Variants in ABCC5 observed in about 807,000 individuals in gnomAD.
ABCC5 encodes the protein ATP-binding cassette sub-family C member 5.
Under a neutral mutation model 160.9 loss-of-function variants are expected in ABCC5, and 61 were observed. The ratio of observed to expected loss-of-function variants is 0.38; its 90% confidence interval spans 0.31 to 0.47. The LOEUF (loss-of-function observed/expected upper bound fraction) is 0.47, where lower values mean the gene tolerates loss of function less well. Ranked by LOEUF, ABCC5 falls within the 20% of genes least tolerant of loss-of-function variation. The pLI, the probability that ABCC5 is intolerant of heterozygous loss-of-function variation, is 0.99. For synonymous variants in ABCC5, 666 were observed against 700.6 expected (o/e 0.95, Z 0.78); for missense variants, 1,308 against 1,813.3 (o/e 0.72, Z 5.06).
chr3:183,958,112 A>G (rs1482923798), intron 17 of ABCC5, among the ~76,000 whole-genome samples: 2 of 152,216 alleles, frequency 1.3e-5, no homozygotes, highest in Admixed American at 6.5e-5. Flanking sequence ...CCGTGTGTAT[A>G]TCACATCGGT....
rs771985748 is a variant in ABCC5, at chr3:183,965,400, A to G, written c.1935T>C (p.Phe645=). The G allele has an allele frequency of 2.5e-6, 4 of 1,614,080 alleles. No individual in the cohort carries two copies. Among genetic ancestry groups the G allele is most frequent in the Non-Finnish European group, 3.4e-6 (4 of 1,180,032 alleles). Reference sequence around the variant, plus strand: ...GCCTTTCTTCATCATATTCCTTCCCAAACAGGATGTTGTCTCTCAGAGTAG... The same window carrying G: ...GCCTTTCTTCATCATATTCCTTCCCGAACAGGATGTTGTCTCTCAGAGTAG... ...LNATLRDNIL[F]GKEYDEERYN... is the part of the protein sequence containing the mutation. Residue 645 remains phenylalanine, a synonymous_variant, in exon 13 of 30, where the codon TTT becomes TTC. Coordinates refer to ENST00000334444, the MANE Select transcript of ABCC5 (RefSeq NM_005688.4).
At position 184,014,313 on chromosome 3, in the gene ABCC5, G is replaced by A. The variant is rs1380273110; in HGVS notation, c.80C>T (p.Ser27Phe). 2 of 1,614,018 alleles carry A rather than the reference G, an allele frequency of 1.2e-6. No homozygotes were observed. The change falls in exon 2 of 30, where the codon TCT (serine) becomes TTT (phenylalanine). Residue 27 changes from serine (S) to phenylalanine (F), a missense_variant. This residue lies in a region of ABCC5 where 1,142 missense variants were observed against 1,527.1 expected (regional missense o/e 0.75). Transcript: ENST00000334444. ...YRSVRERTST[S>F]GTHRDREDSK... ...ATCTTCACGGTCTCTGTGCGTCCCA[G>A]AAGTGCTGGTTCTCTCCCTCACACT... is the stretch of plus-strand genomic sequence containing the variant.
chr3:183,995,963 A>G (rs566313368), intron 2 of ABCC5, among the ~76,000 whole-genome samples: 18 of 151,728 alleles, frequency 1.2e-4, no homozygotes, highest in Non-Finnish European at 2.5e-4. Context: ...ACCCGCCACC[A>G]CGCCCGGCTA....
chr3:183,971,236 G>A (rs1220941573), intron 11 of ABCC5, among the ~76,000 whole-genome samples: 1 of 152,178 alleles, frequency 6.6e-6, no homozygotes, highest in African/African-American at 2.4e-5. Context: ...GGCGCTCACA[G>A]ACTTGTAACA....
In ABCC5 at chr3:183,982,639, G is replaced by A; in HGVS notation, c.826-15C>T. ...ATGTTGATGAGCTATAAGATACAAA[G>A]AGTAGTGAGGGGACCCTGCAAGGAC... On this transcript the variant is annotated splice_polypyrimidine_tract_variant and intron_variant, in intron 6 of 29. Transcript: ENST00000334444. This position sits in a 1 kb window ranked among gnomAD's most constrained non-coding sequence, Gnocchi z 5.2. The A allele has an allele frequency of 6.2e-7, 1 of 1,613,650 alleles. No homozygotes were observed. Among genetic ancestry groups the A allele is most frequent in the Non-Finnish European group, 8.5e-7 (1 of 1,179,698 alleles).
chr3:183,940,017 CTCTG>C (rs1204520811), intron 25 of ABCC5, among the ~76,000 whole-genome samples: 2 of 152,106 alleles, frequency 1.3e-5, no homozygotes, highest in Non-Finnish European at 2.9e-5. Flanking sequence ...CTGGGCATAC[CTCTG>C]TCTAACAGCC....
At chr3:183,994,858 T>G (rs1281636301) in intron 2 of ABCC5, among the ~76,000 whole-genome samples, 2 of 150,426 alleles carry the variant, frequency 1.3e-5, no homozygotes, top group East Asian at 1.9e-4. Context: ...TTTCTATGTT[T>G]TTTTTTTTTT....
At chr3:183,966,519 C>G (rs2108826645) in intron 12 of ABCC5, among the ~76,000 whole-genome samples, 1 of 152,322 alleles carries the variant, frequency 6.6e-6, no homozygotes, top group South Asian at 2.1e-4. Flanking sequence ...CTAACCACTG[C>G]CTAGTCAACC....
Position 183,950,099 on chromosome 3 carries a change from C to A in ABCC5, c.2971G>T (p.Glu991Ter). ...EVDVRLPFQA[E>*]MFIQNVILVF... ...AGGATAACGTTCTGGATGAACATCTCGGCCTGGAACGGCAGCCGCACGTCA... is the reference window on the plus strand; with the variant it reads ...AGGATAACGTTCTGGATGAACATCTAGGCCTGGAACGGCAGCCGCACGTCA... Residue 991 changes from glutamate (E) to a stop codon, truncating the protein, a stop_gained, in exon 21 of 30, where the codon GAG becomes TAG. Transcript: ENST00000334444. LOFTEE classifies it high-confidence loss of function. 1 of 1,613,774 alleles carries A rather than the reference C, an allele frequency of 6.2e-7. No individual in the cohort carries two copies. Among genetic ancestry groups the A allele is most frequent in the Non-Finnish European group, 8.5e-7 (1 of 1,179,932 alleles).
At chr3:184,013,545 T>C (rs1246822291) in intron 2 of ABCC5, among the ~76,000 whole-genome samples, 1 of 152,070 alleles carries the variant, frequency 6.6e-6, no homozygotes, top group African/African-American at 2.4e-5. Flanking sequence ...TGAGCCACTG[T>C]GCCTGGCCAG....
intron 2 of ABCC5, among the ~76,000 whole-genome samples, chr3:184,011,048 C>T (rs1441152422): frequency 1.3e-5 from 2 of 151,078 alleles, no homozygotes; most frequent in Non-Finnish European, 3.0e-5. Flanking sequence ...GGCCCAAACT[C>T]ATTCTTAATA....
chr3:183,986,883 T>C (rs1256584289), intron 5 of ABCC5: 1 of 152,182 alleles, frequency 6.6e-6, no homozygotes, highest in South Asian at 2.1e-4. Context: ...ACCAGAAAAG[T>C]AGTGTTCTCT....
At chr3:183,939,852 T>C (rs377114613) in intron 25 of ABCC5, among the ~76,000 whole-genome samples, 1 of 152,154 alleles carries the variant, frequency 6.6e-6, no homozygotes, top group African/African-American at 2.4e-5. Flanking sequence ...TTCTTGACCC[T>C]CCTACCTTTC....
At chr3:183,973,629 G>A (rs1487127554) in intron 10 of ABCC5, among the ~76,000 whole-genome samples, 1 of 151,974 alleles carries the variant, frequency 6.6e-6, no homozygotes, top group Non-Finnish European at 1.5e-5. Context: ...TTAAGCCCCC[G>A]TCTCCCATTC....
At chr3:183,969,932 A>G (rs1717582846) in intron 11 of ABCC5, among the ~76,000 whole-genome samples, 1 of 152,116 alleles carries the variant, frequency 6.6e-6, no homozygotes, top group African/African-American at 2.4e-5. Flanking sequence ...TTCCAGTTAC[A>G]TGGACAAACA....
At position 183,978,750 on chromosome 3, in the gene ABCC5, C is replaced by T. The variant is rs1301493519; in HGVS notation, c.1148-99G>A. 2.3e-6 allele frequency: 3 copies of T among 1,308,360 alleles called. No homozygotes were observed. In the South Asian group the frequency reaches 4.3e-5, roughly 19 times the overall value. The allele number at this position is 1,308,360 out of a possible 1,614,324, so 81.0% of individuals were successfully genotyped here. A position where few individuals can be genotyped will look rare whatever the true frequency, so the allele number is the denominator to read the frequency against. Reference sequence around the variant, plus strand: ...CAAGACTCTGTAGGTCTCCAGCCACCCTTCAACACCTATGACTATCAACTC... The same window carrying T: ...CAAGACTCTGTAGGTCTCCAGCCACTCTTCAACACCTATGACTATCAACTC... On this transcript the variant is annotated intron_variant, in intron 8 of 29. Coordinates refer to ENST00000334444, the MANE Select transcript of ABCC5 (RefSeq NM_005688.4).
At chr3:183,990,394 C>T (rs1453723341) in intron 2 of ABCC5, among the ~76,000 whole-genome samples, 2 of 152,178 alleles carry the variant, frequency 1.3e-5, no homozygotes, top group African/African-American at 4.8e-5. Context: ...TGTGAGCTGC[C>T]GCGCCCAGCT....
chr3:183,958,233 T>C (rs1166541414), intron 17 of ABCC5, among the ~76,000 whole-genome samples: 3 of 152,266 alleles, frequency 2.0e-5, no homozygotes, highest in South Asian at 2.1e-4. Context: ...TGCAGATCCA[T>C]GTGTATATTG....
intron 26 of ABCC5, among the ~76,000 whole-genome samples, chr3:183,936,149 G>T (rs2139559): frequency 0.26 from 38,883 of 151,856 alleles, 5,357 homozygotes; most frequent in Middle Eastern, 0.33. Context: ...TCTCCTTTCC[G>T]CGGGCACACA....
Sources: gnomAD v4.1 joint callset for allele counts (sites outside exome capture counted in the v4.1 genomes callset) on GRCh38, gnomAD v4.1.1 for gene constraint, gnomAD v4.1.1 regional missense constraint, Gnocchi (gnomAD v3.1) non-coding constraint, MANE v1.5 for transcripts, NCBI Gene and HGNC (gene_info 2026-07-23, HGNC 2026-07-21) for gene names.